The following NEBL variants were observed in gnomAD, a reference collection of about 807,000 sequenced individuals.
NEBL encodes LIM and SH3 protein 2.
A neutral mutation model predicts 140.2 loss-of-function variants in NEBL; 122 were observed. That is an observed-to-expected ratio of 0.87 (90% CI 0.75 to 1.01). The LOEUF (loss-of-function observed/expected upper bound fraction) is 1.01. Ranked by LOEUF, NEBL falls within the 50% of genes least tolerant of loss-of-function variation. NEBL has a pLI of 0.00. For synonymous variants in NEBL, 436 were observed against 398.9 expected (o/e 1.09, Z -1.11); for missense variants, 1,365 against 1,231.3 (o/e 1.11, Z -1.62).
At chr10:21,039,416 C>T (rs779317566) in intron 2 of NEBL, among the ~76,000 whole-genome samples, 29 of 152,054 alleles carry the variant, frequency 1.9e-4, no homozygotes, top group Admixed American at 1.6e-3. Flanking sequence ...GGTGTAAGGA[C>T]GGGTCCAGTT....
In NEBL at chr10:20,879,309, G is replaced by T. The variant is rs1226670868; in HGVS notation, c.480+1485C>A. Among the ~76,000 whole-genome samples the T allele has an allele frequency of 2.6e-5, 4 of 152,240 alleles. No homozygotes were observed. The East Asian group carries it at 7.7e-4, about 29-fold the overall frequency. ...AGAATCGGAAATGATCAAAGTCCTG[G>T]CATAGTTCCTGGTGCATGGCTGTGC... is the stretch of plus-strand genomic sequence containing the variant. On this transcript the variant is annotated intron_variant, in intron 5 of 27. Coordinates refer to ENST00000377122, the MANE Select transcript of NEBL (RefSeq NM_006393.3).
chr10:21,238,538 G>GA (rs1210852318), intron 3 of NEBL, among the ~76,000 whole-genome samples: 258 of 135,344 alleles, frequency 1.9e-3, no homozygotes, highest in South Asian at 2.6e-3. Context: ...CATCTCTACT[G>GA]AAAAAAAAAA....
chr10:21,244,340 A>T (rs1410521910), intron 3 of NEBL, among the ~76,000 whole-genome samples: 3 of 143,338 alleles, frequency 2.1e-5, no homozygotes, highest in African/African-American at 5.0e-5. Context: ...TAAATTTTGT[A>T]TTTTTTTTTT....
intron 20 of NEBL, among the ~76,000 whole-genome samples, chr10:20,818,001 T>C (rs376906412): frequency 1.2e-3 from 185 of 152,330 alleles, no homozygotes; most frequent in African/African-American, 4.2e-3. Context: ...AACGCCAGAA[T>C]GAAGTCATTA....
rs957728578 is a variant in NEBL, at chr10:21,097,043, G to C, written c.164+75340C>G. Among the ~76,000 whole-genome samples, 4 of 151,928 alleles carry C rather than the reference G, an allele frequency of 2.6e-5. No homozygotes were observed. The South Asian group carries it at 8.3e-4, about 32-fold the overall frequency. On this transcript the variant is annotated intron_variant, in intron 2 of 6. Coordinates refer to the NEBL transcript ENST00000417816. The stretch of plus-strand genomic sequence containing the variant: ...ATTTTATTTAAATACACTTGTAGGA[G>C]TTTTACCTTCCCAGATACCACTACT...
intron 19 of NEBL, among the ~76,000 whole-genome samples, chr10:20,820,181 A>T (rs1839160943): frequency 1.3e-5 from 2 of 152,218 alleles, no homozygotes; most frequent in Admixed American, 1.3e-4. Context: ...TGAACTTCAA[A>T]GGTTCTTCTC....
intron 2 of NEBL, among the ~76,000 whole-genome samples, chr10:21,139,489 C>T (rs1465118817): frequency 6.6e-6 from 1 of 152,110 alleles, no homozygotes; most frequent in Non-Finnish European, 1.5e-5. Context: ...GAAAATCCAT[C>T]GCATCTGAAG....
At chr10:21,282,074 T>A (rs1452595814) in intron 1 of NEBL, among the ~76,000 whole-genome samples, 1 of 152,158 alleles carries the variant, frequency 6.6e-6, no homozygotes, top group Non-Finnish European at 1.5e-5. Context: ...GTGGGATTTG[T>A]GCGTATGTGA....
chr10:20,878,305 C>G (rs1231915343), intron 5 of NEBL, among the ~76,000 whole-genome samples: 1 of 152,134 alleles, frequency 6.6e-6, no homozygotes. Context: ...AAAAGTTAGG[C>G]AAAGATGTTG....
chr10:21,192,804 C>G (rs1389608529), intron 3 of NEBL, among the ~76,000 whole-genome samples: 1 of 150,520 alleles, frequency 6.6e-6, no homozygotes, highest in Non-Finnish European at 1.5e-5. Flanking sequence ...AAGATCATGC[C>G]TTGCACTCCA....
At chr10:21,200,691 C>T (rs1014827163) in intron 3 of NEBL, among the ~76,000 whole-genome samples, 1 of 152,180 alleles carries the variant, frequency 6.6e-6, no homozygotes, top group African/African-American at 2.4e-5. Context: ...CCTGTTAGAA[C>T]ATGAGCATCC....
At chr10:20,876,004 T>C (rs917350317) in intron 5 of NEBL, among the ~76,000 whole-genome samples, 2 of 152,222 alleles carry the variant, frequency 1.3e-5, no homozygotes, top group Non-Finnish European at 2.9e-5. Flanking sequence ...CCAGGTATCA[T>C]CAAATAGGCA....
intron 12 of NEBL, among the ~76,000 whole-genome samples, chr10:20,844,363 T>C (rs1199949578): frequency 2.0e-5 from 3 of 150,898 alleles, no homozygotes; most frequent in African/African-American, 4.8e-5. Context: ...TTATATATCA[T>C]AAAATATATA....
At chr10:21,236,640 T>G (rs1176805831) in intron 3 of NEBL, among the ~76,000 whole-genome samples, 1 of 152,120 alleles carries the variant, frequency 6.6e-6, no homozygotes, top group Non-Finnish European at 1.5e-5. Context: ...TGAGCCACTG[T>G]GCCAGGCCAC....
intron 16 of NEBL, among the ~76,000 whole-genome samples, chr10:20,829,132 A>G (rs1840160490): frequency 6.6e-6 from 1 of 152,142 alleles, no homozygotes; most frequent in Non-Finnish European, 1.5e-5. Flanking sequence ...GAAGTACTAG[A>G]TAGTAAGTAT....
chr10:20,926,960 A>T (rs182481330), intron 4 of NEBL, among the ~76,000 whole-genome samples: 39 of 152,332 alleles, frequency 2.6e-4, no homozygotes, highest in Admixed American at 2.3e-3. Context: ...ATCACAGATG[A>T]GTGGGGAGGA....
intron 2 of NEBL, among the ~76,000 whole-genome samples, chr10:21,055,795 T>C (rs1381681749): frequency 6.6e-6 from 1 of 152,212 alleles, no homozygotes; most frequent in African/African-American, 2.4e-5. Flanking sequence ...TAGCATCAAG[T>C]GTAGCCACCA....
intron 4 of NEBL, among the ~76,000 whole-genome samples, chr10:20,957,605 C>T (rs1463153846): frequency 6.6e-6 from 1 of 152,028 alleles, no homozygotes; most frequent in Non-Finnish European, 1.5e-5. Flanking sequence ...GTTTTAGACA[C>T]TCTCATTGAA....
At chr10:21,245,251 G>A (rs1020402583) in intron 3 of NEBL, among the ~76,000 whole-genome samples, 1 of 152,240 alleles carries the variant, frequency 6.6e-6, no homozygotes, top group Non-Finnish European at 1.5e-5. Flanking sequence ...CTCAACCTAA[G>A]AGAGCAGAAA....
Sources: gnomAD v4.1 joint callset for allele counts (sites outside exome capture counted in the v4.1 genomes callset) on GRCh38, gnomAD v4.1.1 for gene constraint, MANE v1.5 for transcripts, NCBI Gene and HGNC (gene_info 2026-07-23, HGNC 2026-07-21) for gene names.